Variants in SGPP2 observed in about 807,000 individuals in gnomAD.
SGPP2 encodes the protein sphingosine 1-phosphate phosphohydrolase 2.
In SGPP2, 30 loss-of-function variants were observed where a neutral mutation model predicts 33.9. That is an observed-to-expected ratio of 0.89 (90% CI 0.66 to 1.20). The LOEUF (loss-of-function observed/expected upper bound fraction) is 1.20. SGPP2 is among the 50% of genes most tolerant of loss of function. The pLI is 0.00. For synonymous variants in SGPP2, 233 were observed against 225.0 expected (o/e 1.04, Z -0.32); for missense variants, 458 against 532.1 (o/e 0.86, Z 1.37).
chr2:222,496,107 T>C (rs1042386900), intron 2 of SGPP2, among the ~76,000 whole-genome samples: 1 of 152,210 alleles, frequency 6.6e-6, no homozygotes, highest in Non-Finnish European at 1.5e-5. Flanking sequence ...TCGAATGGCA[T>C]CTCTCCTTAC....
chr2:222,497,860 A>T (rs1328331250), intron 2 of SGPP2, among the ~76,000 whole-genome samples: 3 of 152,186 alleles, frequency 2.0e-5, no homozygotes, highest in Non-Finnish European at 1.5e-5. Context: ...GTGGTTGGAG[A>T]GGGGCACTTT....
At chr2:222,444,339 G>A (rs1035870212) in intron 1 of SGPP2, among the ~76,000 whole-genome samples, 3 of 152,174 alleles carry the variant, frequency 2.0e-5, no homozygotes, top group African/African-American at 7.2e-5. Flanking sequence ...CCTTCCTTCT[G>A]GTGGTCTGTG....
At chr2:222,493,804 A>G (rs1698235066) in intron 2 of SGPP2, among the ~76,000 whole-genome samples, 1 of 152,166 alleles carries the variant, frequency 6.6e-6, no homozygotes, top group African/African-American at 2.4e-5. Flanking sequence ...ATCTCTTTGG[A>G]GTGTTACATA....
In SGPP2 at chr2:222,443,864, C is replaced by T. The variant is rs1697361340; in HGVS notation, c.219+19043C>T. On this transcript the variant is annotated intron_variant, in intron 1 of 4. Coordinates refer to ENST00000321276, the MANE Select transcript of SGPP2 (RefSeq NM_152386.4). ...ACACATCTAAAACATGTCATGTAAC[C>T]TCTACTGTAACCTCTACCACCTTGG... 2.0e-5 allele frequency among the ~76,000 whole-genome samples: 3 copies of T among 152,186 alleles called. No individual in the cohort carries two copies. The South Asian group carries it at 6.2e-4, about 32-fold the overall frequency.
chr2:222,492,449 A>G (rs1230147533), intron 2 of SGPP2, among the ~76,000 whole-genome samples: 1 of 152,262 alleles, frequency 6.6e-6, no homozygotes, highest in African/African-American at 2.4e-5. Context: ...AATGGCCTGA[A>G]CTATACCTTG....
intron 1 of SGPP2, among the ~76,000 whole-genome samples, chr2:222,464,604 T>C (rs1697715920): frequency 6.6e-6 from 1 of 152,144 alleles, no homozygotes; most frequent in South Asian, 2.1e-4. Flanking sequence ...CACCTCAACC[T>C]CCCAAATAGC....
At chr2:222,441,665 C>G (rs569930746) in intron 1 of SGPP2, among the ~76,000 whole-genome samples, 1 of 152,096 alleles carries the variant, frequency 6.6e-6, no homozygotes, top group Non-Finnish European at 1.5e-5. Context: ...TCTGTATACT[C>G]TGCATTGTTT....
rs1281380049 is a variant in SGPP2 at position 222,424,559 on chromosome 2, G to A, written c.-44G>A. On this transcript the variant is annotated 5_prime_UTR_variant, in exon 1 of 5. Coordinates refer to ENST00000321276, the MANE Select transcript of SGPP2 (RefSeq NM_152386.4). ...AGTGGCGGTGCCAGCGGAGGGCACC[G>A]GCCCGGCGTGGCAGCGGCGGCGGAG... The A allele has an allele frequency of 2.6e-6, 3 of 1,175,240 alleles. No homozygotes were observed. Among genetic ancestry groups the A allele is most frequent in the African/African-American group, 1.6e-5 (1 of 62,640 alleles). The allele number at this position is 1,175,240 out of a possible 1,614,324, so 72.8% of individuals were successfully genotyped here.
chr2:222,426,324 A>C (rs1697071615), intron 1 of SGPP2, among the ~76,000 whole-genome samples: 1 of 152,020 alleles, frequency 6.6e-6, no homozygotes, highest in African/African-American at 2.4e-5. Flanking sequence ...TTACACCCAC[A>C]GGTAGACACG....
chr2:222,436,861 G>T (rs1179785644), intron 1 of SGPP2, among the ~76,000 whole-genome samples: 2 of 152,206 alleles, frequency 1.3e-5, no homozygotes, highest in African/African-American at 4.8e-5. Context: ...CATATCGAGG[G>T]CTCAGTGTTG....
At chr2:222,506,449 G>C (rs1177538498) in intron 2 of SGPP2, among the ~76,000 whole-genome samples, 1 of 152,192 alleles carries the variant, frequency 6.6e-6, no homozygotes, top group Non-Finnish European at 1.5e-5. Flanking sequence ...ATTTCATACA[G>C]ATGATTCATC....
At chr2:222,492,308 A>G (rs1262202314) in intron 2 of SGPP2, among the ~76,000 whole-genome samples, 1 of 152,212 alleles carries the variant, frequency 6.6e-6, no homozygotes, top group Admixed American at 6.5e-5. Context: ...CTGCCTAGAC[A>G]TCCAGGCAGT....
At chr2:222,485,439 C>G (rs1698090771) in intron 2 of SGPP2, among the ~76,000 whole-genome samples, 1 of 152,222 alleles carries the variant, frequency 6.6e-6, no homozygotes, top group African/African-American at 2.4e-5. Flanking sequence ...TCACAGGGAC[C>G]TAGCAGGGCG....
intron 2 of SGPP2, among the ~76,000 whole-genome samples, chr2:222,515,554 A>G (rs751875533): frequency 6.6e-6 from 1 of 151,700 alleles, no homozygotes; most frequent in Non-Finnish European, 1.5e-5. Context: ...GTCTCAAACT[A>G]CCGACCTCAG....
intron 4 of SGPP2, among the ~76,000 whole-genome samples, chr2:222,544,798 A>T (rs1396349775): frequency 6.6e-6 from 1 of 151,286 alleles, no homozygotes; most frequent in African/African-American, 2.5e-5. Flanking sequence ...TAATCTTTTT[A>T]AAAAAGAAAG....
chr2:222,440,611 G>C (rs571792689), intron 1 of SGPP2, among the ~76,000 whole-genome samples: 26 of 152,164 alleles, frequency 1.7e-4, no homozygotes, highest in African/African-American at 5.8e-4. Flanking sequence ...AAAGTGCTGG[G>C]TTTACAGGCA....
chr2:222,482,338 A>T (rs973758697), intron 2 of SGPP2, among the ~76,000 whole-genome samples: 2 of 152,192 alleles, frequency 1.3e-5, no homozygotes, highest in African/African-American at 4.8e-5. Flanking sequence ...TTTTCCTGAT[A>T]TCTTCTTCTT....
chr2:222,520,416 C>G (rs1046871066), intron 2 of SGPP2, among the ~76,000 whole-genome samples: 1 of 152,086 alleles, frequency 6.6e-6, no homozygotes, highest in South Asian at 2.1e-4. Context: ...TTAATGACCT[C>G]ATGGAAAAAT....
intron 4 of SGPP2, among the ~76,000 whole-genome samples, chr2:222,537,512 T>A (rs1241279480): frequency 6.6e-6 from 1 of 152,070 alleles, no homozygotes; most frequent in Non-Finnish European, 1.5e-5. Context: ...TAAATACAAA[T>A]AAAAGTGAGA....
Sources: allele counts gnomAD v4.1 joint callset (sites outside exome capture counted in the v4.1 genomes callset), GRCh38; gene constraint gnomAD v4.1.1; transcripts MANE v1.5; gene names NCBI Gene and HGNC (gene_info 2026-07-23, HGNC 2026-07-21).